Variants in TRIM40 observed in about 807,000 individuals in gnomAD.
TRIM40 encodes tripartite motif containing 40.
In TRIM40, 27 loss-of-function variants were observed where a neutral mutation model predicts 26.1. That is an observed-to-expected ratio of 1.04 (90% CI 0.76 to 1.43). The LOEUF is 1.43. Among genes scored for constraint, TRIM40 ranks in the 40% most tolerant of loss-of-function variants. The pLI is 0.00. For synonymous variants in TRIM40, 114 were observed against 120.0 expected, an observed-to-expected ratio of 0.95 and a Z score of 0.33; for missense variants, 289 against 307.9, an observed-to-expected ratio of 0.94 and a Z score of 0.46.
At chr6:30,142,683 A>C (rs1423522255) in intron 2 of TRIM40, among the ~76,000 whole-genome samples, 3 of 152,082 alleles carry the variant, frequency 2.0e-5, no homozygotes, top group Non-Finnish European at 4.4e-5. Context: ...AAGGTTTATT[A>C]ATTCCTGGCT....
intron 2 of TRIM40, 93 bp from the exon 3 acceptor site, chr6:30,145,901 T>G: frequency 1.1e-6 from 1 of 898,112 alleles, no homozygotes; most frequent in Non-Finnish European, 1.8e-6. Flanking sequence ...AGTTGCATTC[T>G]GGGATCAGGC....
intron 3 of TRIM40, among the ~76,000 whole-genome samples, chr6:30,146,559 T>C (rs995079330): frequency 1.6e-4 from 24 of 152,248 alleles, no homozygotes; most frequent in Middle Eastern, 6.8e-3. Context: ...TACAGGCACT[T>C]GCCACCACGC....
At chr6:30,138,165 C>T (rs1372447757) in intron 2 of TRIM40, among the ~76,000 whole-genome samples, 4 of 152,158 alleles carry the variant, frequency 2.6e-5, no homozygotes, top group South Asian at 2.1e-4. Flanking sequence ...AACATTTTCT[C>T]ATCAGCATGT....
rs1425107932 is a variant in TRIM40 at position 30,147,573 on chromosome 6, G to A, written c.689+31G>A. 6.2e-6 allele frequency: 10 copies of A among 1,614,144 alleles called. No individual in the cohort carries two copies. The East Asian group carries it at 1.6e-4, about 25-fold the overall frequency. On this transcript the variant is annotated intron_variant, in intron 5 of 5. Coordinates refer to ENST00000396581, the MANE Select transcript of TRIM40 (RefSeq NM_001286633.2). ...AGCTGTCCCTTCTTCTTTCCCACAT[G>A]TGCATATAAACCCACACAACACAGA...
rs560133229 is a variant in TRIM40, at chr6:30,136,189, G to A, written c.-305G>A. ...CTGAAATTGTAGCAGGAGAAATTGAGGTAGGATACTAAGAAAGCTTTTCAG... is the reference window on the plus strand; with the variant it reads ...CTGAAATTGTAGCAGGAGAAATTGAAGTAGGATACTAAGAAAGCTTTTCAG... On this transcript the variant is annotated splice_region_variant and 5_prime_UTR_variant, in exon 1 of 6. Transcript: ENST00000396581. The A allele has an allele frequency of 2.0e-5, 3 of 152,444 alleles. No homozygotes were observed. In the East Asian group the frequency reaches 5.8e-4, roughly 29 times the overall value. The allele number at this position is 152,444 out of a possible 1,614,324, so 9.4% of individuals were successfully genotyped here.
At position 30,147,228 on chromosome 6, in the gene TRIM40, TC is replaced by T. The variant is rs772819738; in HGVS notation, c.666+23del. 2 of 1,613,448 alleles carry T rather than the reference TC, an allele frequency of 1.2e-6. No homozygotes were observed. The highest frequency in any genetic ancestry group is 3.3e-5 in the Admixed American group (2 of 60,024). On this transcript the variant is annotated intron_variant, in intron 4 of 5. Transcript: ENST00000396581. Reference sequence around the variant, plus strand: ...ACTGAAGGTGCATACCCTGAGGCCTTCCCCAAGGGCTGGGATTCTCCCCGAT... The same window carrying T: ...ACTGAAGGTGCATACCCTGAGGCCTTCCCAAGGGCTGGGATTCTCCCCGAT...
In TRIM40 at chr6:30,147,100, C is replaced by T. The variant is rs111239755; in HGVS notation, c.557C>T (p.Pro186Leu). 2.3e-4 allele frequency: 370 copies of T among 1,614,164 alleles called. No homozygotes were observed. In the African/African-American group the frequency reaches 2.7e-3, roughly 12 times the overall value. Reference sequence around the variant, plus strand: ...TGGCTGGGCCAGCTGGAGCACATGCCAGCAGAAGCGGCCAGAATCCTTGAC... The same window carrying T: ...TGGCTGGGCCAGCTGGAGCACATGCTAGCAGAAGCGGCCAGAATCCTTGAC... The part of the protein sequence containing the change: ...QQWLGQLEHM[P>L]AEAARILDIS... The change falls in exon 4 of 6, where the codon CCA becomes CTA. Residue 186 changes from proline (P) to leucine (L), a missense_variant. Transcript: ENST00000396581.
At chr6:30,146,256 G>A (rs1771641296) in intron 3 of TRIM40, among the ~76,000 whole-genome samples, 167 bp downstream of exon 3, 1 of 152,156 alleles carries the variant, frequency 6.6e-6, no homozygotes, top group African/African-American at 2.4e-5. Flanking sequence ...CTGGTTGAGT[G>A]ACCTACGCAA....
chr6:30,147,890 C>T lies in TRIM40; in HGVS notation c.*78C>T, dbSNP rs1258251081. On this transcript the variant is annotated 3_prime_UTR_variant, in exon 6 of 6. Coordinates refer to ENST00000396581, the MANE Select transcript of TRIM40 (RefSeq NM_001286633.2). The stretch of plus-strand genomic sequence containing the variant: ...TCCTTCCTCCAACCTGTCCAGGCCC[C>T]CACTGGGTCTACCCAGTGCATCTTC... The T allele has an allele frequency of 7.8e-7, 1 of 1,277,730 alleles. No individual in the cohort carries two copies. The highest frequency in any genetic ancestry group is 1.7e-5 in the Admixed American group (1 of 58,466). 79.1% of individuals were successfully genotyped at this position (1,277,730 alleles called of 1,614,324 possible).
intron 5 of TRIM40, 50 bp downstream of exon 5, chr6:30,147,592 A>G: frequency 6.2e-7 from 1 of 1,614,096 alleles, no homozygotes; most frequent in South Asian, 1.1e-5. Flanking sequence ...AACCCACACA[A>G]CACAGACATG....
intron 1 of TRIM40, 127 bp from the exon 2 acceptor site, chr6:30,136,606 T>C (rs1462787898): frequency 5.4e-6 from 1 of 185,220 alleles, no homozygotes; most frequent in Non-Finnish European, 1.1e-5. Context: ...ATTGTAAGTT[T>C]ATAGTGGTCT....
intron 2 of TRIM40, among the ~76,000 whole-genome samples, chr6:30,142,946 C>A (rs897254650): frequency 1.3e-5 from 2 of 151,934 alleles, no homozygotes; most frequent in African/African-American, 2.4e-5. Flanking sequence ...AATCTAGCAG[C>A]ATTTTTGCCA....
chr6:30,145,204 TA>T (rs9280909), intron 2 of TRIM40, among the ~76,000 whole-genome samples: 23,109 of 148,380 alleles, frequency 0.16, 2,009 homozygotes, highest in East Asian at 0.32. Flanking sequence ...CAAAAAAGAT[TA>T]AAAAAAAAAA....
rs369073375 is a variant in TRIM40, at chr6:30,145,993, G to C, written c.346-1G>C. The C allele has an allele frequency of 2.5e-6, 4 of 1,612,894 alleles. No homozygotes were observed. Among genetic ancestry groups the C allele is most frequent in the Non-Finnish European group, 3.4e-6 (4 of 1,179,934 alleles). ...ACAAGCAGGTGTGTCTGTCTCTTTA[G>C]GAACGACTCAATCGCCGGAGCAGGA... On this transcript the variant is annotated splice_acceptor_variant, in intron 2 of 5. Coordinates refer to ENST00000396581, the MANE Select transcript of TRIM40 (RefSeq NM_001286633.2). LOFTEE classifies it high-confidence loss of function.
Position 30,147,756 on chromosome 6 carries a change from C to A in TRIM40, c.721C>A (p.Pro241Thr), listed in dbSNP as rs1771759502. The A allele has an allele frequency of 6.2e-7, 1 of 1,614,016 alleles. No homozygotes were observed. The highest frequency in any genetic ancestry group is 2.2e-5 in the East Asian group (1 of 44,896). The stretch of plus-strand genomic sequence containing the variant: ...TCCACAGAAATTAGAGGTTATTTAT[C>A]CCCAGTTGGAGAAAGGAGTCAGTGA... ...SAPQKLEVIYPQLEKGVSELL... is the reference protein window; with the variant it reads ...SAPQKLEVIYTQLEKGVSELL... The change falls in exon 6 of 6, where the codon CCC (proline) becomes ACC (threonine). Residue 241 changes from proline (P) to threonine (T), a missense_variant. Transcript: ENST00000396581.
chr6:30,139,425 C>A (rs1411641791), intron 2 of TRIM40, among the ~76,000 whole-genome samples: 1 of 147,806 alleles, frequency 6.8e-6, no homozygotes, highest in African/African-American at 2.5e-5. Flanking sequence ...CTCACTGCAA[C>A]CTCCGTCTCC....
At chr6:30,137,799 A>C (rs184438767) in intron 2 of TRIM40, among the ~76,000 whole-genome samples, 1 of 151,974 alleles carries the variant, frequency 6.6e-6, no homozygotes, top group Non-Finnish European at 1.5e-5. Flanking sequence ...TTACTACATA[A>C]TTTTTTCTCT....
At chr6:30,146,187 T>G (rs1460243484) in intron 3 of TRIM40, 98 bp downstream of exon 3, 13 of 1,019,838 alleles carry the variant, frequency 1.3e-5, no homozygotes. Flanking sequence ...AACAGCCTGA[T>G]GTGGGCAGAT....
chr6:30,137,423 C>T (rs762071480), intron 2 of TRIM40, 42 bp downstream of exon 2: 24 of 1,537,068 alleles, frequency 1.6e-5, no homozygotes, highest in Non-Finnish European at 2.1e-5. Flanking sequence ...CTCCACCTCG[C>T]TGAGGTGCTG....
Sources: gnomAD v4.1 joint callset for allele counts (sites outside exome capture counted in the v4.1 genomes callset) on GRCh38, gnomAD v4.1.1 for gene constraint, MANE v1.5 for transcripts, NCBI Gene and HGNC (gene_info 2026-07-23, HGNC 2026-07-21) for gene names.